RYR2: variants seen among roughly 807,000 people sequenced by gnomAD.
RYR2 encodes cardiac muscle ryanodine receptor-calcium release channel.
A neutral mutation model predicts 601.1 loss-of-function variants in RYR2; 227 were observed. The ratio of observed to expected loss-of-function variants is 0.38; its 90% CI spans 0.34 to 0.42. The LOEUF is 0.42. RYR2 is among the 10% of genes least tolerant of loss of function. RYR2 has a pLI of 1.00. For synonymous variants in RYR2, 2,223 were observed against 2,175.1 expected, an observed-to-expected ratio of 1.02 and a Z score of -0.61; for missense variants, 4,646 against 6,156.5, an observed-to-expected ratio of 0.75 and a Z score of 8.21.
At chr1:237,306,555 G>A (rs962537850) in intron 2 of RYR2, among the ~76,000 whole-genome samples, 1 of 152,068 alleles carries the variant, frequency 6.6e-6, no homozygotes, top group African/African-American at 2.4e-5. Flanking sequence ...TGTTCTCTAG[G>A]CTGTACTTTA....
intron 5 of RYR2, among the ~76,000 whole-genome samples, chr1:237,366,624 A>G (rs921401297): frequency 1.3e-5 from 2 of 152,090 alleles, no homozygotes; most frequent in Non-Finnish European, 2.9e-5. Flanking sequence ...CAAACCAGAA[A>G]GAACAAAATA....
chr1:237,248,284 C>A (rs1306564707), intron 1 of RYR2, among the ~76,000 whole-genome samples: 1 of 61,764 alleles, frequency 1.6e-5, no homozygotes, highest in Non-Finnish European at 3.1e-5. Flanking sequence ...GCAACCCCGC[C>A]CCCCCCCCCC....
intron 10 of RYR2, among the ~76,000 whole-genome samples, chr1:237,413,020 T>A (rs764024409): frequency 1.3e-5 from 2 of 152,092 alleles, no homozygotes; most frequent in Non-Finnish European, 1.5e-5. Flanking sequence ...TCTAAATAAG[T>A]TTGAGTGTCC....
intron 17 of RYR2, among the ~76,000 whole-genome samples, chr1:237,474,282 CACATATATATATAT>C (rs1326757783): frequency 1.0e-4 from 5 of 48,816 alleles, no homozygotes; most frequent in Non-Finnish European, 3.4e-4. Flanking sequence ...CACACACACA[CACATATATATATAT>C]ACACACACAC....
At chr1:237,638,887 T>C in intron 45 of RYR2, 128 bp from the exon 46 acceptor site, 1 of 1,086,746 alleles carries the variant, frequency 9.2e-7, no homozygotes, top group South Asian at 1.6e-5. Flanking sequence ...GGATTACATT[T>C]TGGCTTTATT....
chr1:237,565,319 G>T (rs1314704598), intron 27 of RYR2, among the ~76,000 whole-genome samples: 1 of 151,156 alleles, frequency 6.6e-6, no homozygotes, highest in Non-Finnish European at 1.5e-5. Context: ...AGGCTGGAAT[G>T]CAGTAGAACG....
At chr1:237,278,245 ATTTTTTTTTTT>A (rs71561863) in intron 2 of RYR2, among the ~76,000 whole-genome samples, 7 of 67,000 alleles carry the variant, frequency 1.0e-4, no homozygotes, top group African/African-American at 3.4e-4. Flanking sequence ...TAATTTTTGT[ATTTTTTTTTTT>A]TTTTTTTTTT....
chr1:237,372,068 A>G (rs1446304254), intron 6 of RYR2, among the ~76,000 whole-genome samples: 2 of 152,202 alleles, frequency 1.3e-5, no homozygotes, highest in African/African-American at 4.8e-5. Flanking sequence ...AATAAAAATA[A>G]AAAATACCAC....
rs1287253574 is a variant in RYR2 at position 237,674,079 on chromosome 1, T to C, written c.8591-17T>C. 1 of 1,605,452 alleles carries C rather than the reference T, an allele frequency of 6.2e-7. No individual in the cohort carries two copies. Among genetic ancestry groups the C allele is most frequent in the Non-Finnish European group, 8.5e-7 (1 of 1,173,842 alleles). On this transcript the variant is annotated splice_polypyrimidine_tract_variant and intron_variant, in intron 58 of 104. Coordinates refer to ENST00000366574, the MANE Select transcript of RYR2 (RefSeq NM_001035.3). ...TTCAAATTACTATGCTGTGTTCTTG[T>C]CCTGACATACTCTTAGGAGGAGGAA... is the stretch of plus-strand genomic sequence containing the variant.
At chr1:237,052,496 G>A (rs1022879850) in intron 1 of RYR2, among the ~76,000 whole-genome samples, 3 of 152,112 alleles carry the variant, frequency 2.0e-5, no homozygotes, top group Admixed American at 6.5e-5. Context: ...ATGAAATGCC[G>A]CCTTGATCTC....
chr1:237,767,528 G>T (rs1197845969), intron 84 of RYR2, among the ~76,000 whole-genome samples: 1 of 152,052 alleles, frequency 6.6e-6, no homozygotes, highest in African/African-American at 2.4e-5. Flanking sequence ...TTTCTCAGTT[G>T]TTCACTGAAC....
intron 2 of RYR2, among the ~76,000 whole-genome samples, chr1:237,274,050 T>A (rs1190614769): frequency 1.4e-5 from 2 of 146,928 alleles, no homozygotes; most frequent in Non-Finnish European, 3.0e-5. Flanking sequence ...ATATTTATAA[T>A]ATATTATAAA....
chr1:237,639,315 T>C (rs1370674162), intron 46 of RYR2, 114 bp downstream of exon 46: 56 of 1,037,556 alleles, frequency 5.4e-5, no homozygotes, highest in Non-Finnish European at 7.3e-5. Flanking sequence ...AGAAGATTTC[T>C]CCCTTTGAAA....
At chr1:237,502,909 A>G (rs1664818378) in intron 21 of RYR2, among the ~76,000 whole-genome samples, 1 of 151,280 alleles carries the variant, frequency 6.6e-6, no homozygotes, top group South Asian at 2.1e-4. Context: ...TTAAGCATAT[A>G]GATATTTAGA....
intron 3 of RYR2, among the ~76,000 whole-genome samples, chr1:237,335,755 A>G (rs1485864682): frequency 6.6e-6 from 1 of 152,198 alleles, no homozygotes; most frequent in Non-Finnish European, 1.5e-5. Context: ...TTGATGGAGT[A>G]ATAGATTAAC....
At chr1:237,598,577 A>G (rs1385777216) in intron 34 of RYR2, among the ~76,000 whole-genome samples, 1 of 152,248 alleles carries the variant, frequency 6.6e-6, no homozygotes, top group Non-Finnish European at 1.5e-5. Context: ...GTAAATGAAG[A>G]TGTTAAAAAA....
chr1:237,657,377 G>A (rs867493440), intron 53 of RYR2, among the ~76,000 whole-genome samples: 6 of 151,742 alleles, frequency 4.0e-5, no homozygotes, highest in African/African-American at 9.7e-5. Flanking sequence ...TCATAGATAC[G>A]TTTTAAGCCT....
intron 17 of RYR2, among the ~76,000 whole-genome samples, chr1:237,481,336 C>T (rs902828442): frequency 3.9e-5 from 6 of 151,990 alleles, no homozygotes; most frequent in African/African-American, 1.4e-4. Context: ...TATTGAGACT[C>T]AAATGATTTC....
chr1:237,424,704 T>C (rs1705961051), intron 12 of RYR2, among the ~76,000 whole-genome samples: 1 of 152,254 alleles, frequency 6.6e-6, no homozygotes, highest in South Asian at 2.1e-4. Flanking sequence ...AAATGATTAT[T>C]TCCTATTTAG....
Sources: allele counts gnomAD v4.1 joint callset (sites outside exome capture counted in the v4.1 genomes callset), GRCh38; gene constraint gnomAD v4.1.1; transcripts MANE v1.5; gene names NCBI Gene and HGNC (gene_info 2026-07-23, HGNC 2026-07-21).